Variants in GLT1D1 observed in about 807,000 individuals in gnomAD.
GLT1D1 encodes the protein glycosyltransferase 1 domain-containing protein 1.
A neutral mutation model predicts 28.7 loss-of-function variants in GLT1D1; 21 were observed. That is an observed-to-expected ratio of 0.73 (90% CI 0.52 to 1.05). The LOEUF is 1.05. GLT1D1 is among the 50% of genes least tolerant of loss of function. The pLI, the probability that GLT1D1 is intolerant of heterozygous loss-of-function variation, is 0.00. For synonymous variants in GLT1D1, 147 were observed against 124.8 expected (o/e 1.18, Z -1.19); for missense variants, 343 against 330.6 (o/e 1.04, Z -0.29).
At chr12:128,915,299 T>G (rs1871994160) in intron 4 of GLT1D1, among the ~76,000 whole-genome samples, 2 of 152,222 alleles carry the variant, frequency 1.3e-5, no homozygotes, top group Admixed American at 6.5e-5. Flanking sequence ...TTTATTTTAC[T>G]TTACTAATTA....
At chr12:128,935,273 G>A (rs1798916) in intron 4 of GLT1D1, among the ~76,000 whole-genome samples, 50,429 of 152,026 alleles carry the variant, frequency 0.33, 8,798 homozygotes, top group East Asian at 0.46. Context: ...GTAGCCGGGC[G>A]CGGTGGCTCA....
At chr12:128,882,262 AGG>A (rs1957076952) in intron 2 of GLT1D1, among the ~76,000 whole-genome samples, 1 of 151,204 alleles carries the variant, frequency 6.6e-6, no homozygotes, top group Non-Finnish European at 1.5e-5. Flanking sequence ...GATATATTGC[AGG>A]TATAACGCAA....
chr12:128,966,811 A>G (rs1878501956), intron 7 of GLT1D1, among the ~76,000 whole-genome samples: 1 of 152,152 alleles, frequency 6.6e-6, no homozygotes, highest in Non-Finnish European at 1.5e-5. Context: ...TTAAAAAATG[A>G]CGATTAAACA....
intron 1 of GLT1D1, among the ~76,000 whole-genome samples, chr12:128,871,154 G>A (rs1956677154): frequency 6.6e-6 from 1 of 152,172 alleles, no homozygotes; most frequent in Non-Finnish European, 1.5e-5. Context: ...ATCTATCAGT[G>A]TTTATTTTTG....
chr12:128,931,040 C>T (rs948680146), intron 4 of GLT1D1, among the ~76,000 whole-genome samples: 4 of 151,414 alleles, frequency 2.6e-5, no homozygotes, highest in Non-Finnish European at 5.9e-5. Context: ...CTTGCTCTGC[C>T]GCCCAGGCTG....
intron 7 of GLT1D1, among the ~76,000 whole-genome samples, chr12:128,971,458 ATCCCTCCCTCTGCC>A (rs1360400807): frequency 5.6e-5 from 2 of 35,988 alleles, no homozygotes; most frequent in Non-Finnish European, 1.0e-4. Context: ...CTCTCCCTCC[ATCCCTCCCTCTGCC>A]TCCCTCCCTC....
intron 4 of GLT1D1, chr12:128,944,597 C>G (rs1037603900): frequency 1.1e-5 from 8 of 743,386 alleles, no homozygotes; most frequent in African/African-American, 3.5e-5. Flanking sequence ...TTAATGACCT[C>G]AAAGGACATA....
At chr12:128,926,518 T>C in intron 4 of GLT1D1, 64 bp downstream of exon 7, 2 of 833,264 alleles carry the variant, frequency 2.4e-6, no homozygotes, top group South Asian at 1.5e-5. Context: ...CATCTCAGCA[T>C]TTCTCTCTTC....
intron 1 of GLT1D1, among the ~76,000 whole-genome samples, chr12:128,872,915 C>A (rs1956735203): frequency 6.6e-6 from 1 of 152,056 alleles, no homozygotes; most frequent in Non-Finnish European, 1.5e-5. Context: ...CATTTTGAGA[C>A]AGGGTCTCGC....
intron 2 of GLT1D1, among the ~76,000 whole-genome samples, chr12:128,884,985 G>A (rs187517779): frequency 7.1e-4 from 107 of 150,242 alleles, no homozygotes; most frequent in African/African-American, 2.2e-3. Context: ...AAACTCCTGG[G>A]GTGGAGCAAT....
intron 4 of GLT1D1, among the ~76,000 whole-genome samples, chr12:128,905,768 G>C (rs1431765108): frequency 2.6e-5 from 4 of 151,876 alleles, no homozygotes; most frequent in Admixed American, 6.6e-5. Context: ...ATCAACGTAG[G>C]TTATGTTTTG....
At chr12:128,933,533 C>T (rs905947150) in intron 4 of GLT1D1, among the ~76,000 whole-genome samples, 4 of 152,164 alleles carry the variant, frequency 2.6e-5, no homozygotes, top group Admixed American at 1.3e-4. Flanking sequence ...TAATTTGCTA[C>T]TTAGGGTGTA....
intron 7 of GLT1D1, among the ~76,000 whole-genome samples, chr12:128,971,241 A>G (rs966218836): frequency 2.6e-5 from 4 of 152,074 alleles, no homozygotes; most frequent in Non-Finnish European, 5.9e-5. Flanking sequence ...GGGTGCTTAG[A>G]TCCCATGTAA....
chr12:128,872,222 G>C (rs113093717), intron 1 of GLT1D1, among the ~76,000 whole-genome samples: 82 of 152,302 alleles, frequency 5.4e-4, no homozygotes, highest in African/African-American at 1.9e-3. Flanking sequence ...GGGATTACAG[G>C]CGTGAGCCAC....
intron 1 of GLT1D1, among the ~76,000 whole-genome samples, chr12:128,868,325 T>A (rs766838428): frequency 2.0e-5 from 3 of 152,082 alleles, no homozygotes; most frequent in Non-Finnish European, 4.4e-5. Context: ...GAGCCGGATG[T>A]TTTGATTGGC....
chr12:128,860,275 A>T (rs1956323305), intron 1 of GLT1D1, among the ~76,000 whole-genome samples: 1 of 152,228 alleles, frequency 6.6e-6, no homozygotes, highest in African/African-American at 2.4e-5. Context: ...AGCCTGGCCA[A>T]CATGGTAAAA....
intron 7 of GLT1D1, among the ~76,000 whole-genome samples, chr12:128,962,029 C>CTCCCTTCCTGA (rs1878010213): frequency 1.3e-5 from 2 of 151,782 alleles, no homozygotes; most frequent in African/African-American, 4.8e-5. Flanking sequence ...CTGTCCCCCT[C>CTCCCTTCCTGA]CACCCTTCCC....
chr12:128,926,238 GAGT>G (rs1873208735), intron 4 of GLT1D1, 118 bp from the exon 7 acceptor site: 2 of 280,728 alleles, frequency 7.1e-6, no homozygotes, highest in Non-Finnish European at 1.2e-5. Flanking sequence ...ATAATAATAA[GAGT>G]AGGAGAAGCT....
intron 4 of GLT1D1, chr12:128,906,796 C>A: frequency 1.8e-6 from 1 of 564,358 alleles, no homozygotes. Context: ...TGCCTTGGCA[C>A]TTGTGAAAGA....
Sources: allele counts gnomAD v4.1 joint callset (sites outside exome capture counted in the v4.1 genomes callset), GRCh38; gene constraint gnomAD v4.1.1; transcripts MANE v1.5; gene names NCBI Gene and HGNC (gene_info 2026-07-23, HGNC 2026-07-21).